Variants in ADAM23 observed in about 807,000 individuals in gnomAD.
ADAM23 encodes disintegrin and metalloproteinase domain-containing protein 23.
Under a neutral mutation model 120.1 loss-of-function variants are expected in ADAM23, and 33 were observed. The ratio of observed to expected loss-of-function variants is 0.27; its 90% CI spans 0.21 to 0.37. The LOEUF is 0.37. Ranked by LOEUF, ADAM23 falls within the 10% of genes least tolerant of loss-of-function variation. The pLI is 1.00. For synonymous variants in ADAM23, 367 were observed against 375.2 expected (o/e 0.98, Z 0.25); for missense variants, 862 against 1,058.2 (o/e 0.81, Z 2.57).
chr2:206,465,813 G>A (rs570231951), intron 2 of ADAM23, among the ~76,000 whole-genome samples: 1 of 152,180 alleles, frequency 6.6e-6, no homozygotes, highest in East Asian at 1.9e-4. Context: ...GTAGCAGCTC[G>A]GAGAACAGAT....
chr2:206,483,705 A>G (rs1695944484), intron 3 of ADAM23, among the ~76,000 whole-genome samples: 1 of 152,166 alleles, frequency 6.6e-6, no homozygotes, highest in Non-Finnish European at 1.5e-5. Flanking sequence ...ATGCTGTGGA[A>G]TAATCTAATG....
rs888903843 is a variant in ADAM23 at position 206,548,339 on chromosome 2, G to A, written c.852G>A (p.Arg284=). The A allele has an allele frequency of 5.0e-6, 8 of 1,609,814 alleles. No individual in the cohort carries two copies. The highest frequency in any genetic ancestry group is 5.9e-6 in the Non-Finnish European group (7 of 1,179,932). ...CTGAATTACAGTGGTTGAAAAGAAG[G>A]AAGAGAGCAGTGAATGTGAGTGTGG... ...FLSELQWLKR[R]KRAVNPSRGI... The change falls in exon 8 of 26, where the codon AGG becomes AGA. Residue 284 remains arginine (R), a synonymous_variant. Transcript: ENST00000264377.
In ADAM23 at chr2:206,607,132, C is replaced by G. The variant is rs368714158; in HGVS notation, c.2360-2778C>G. On this transcript the variant is annotated intron_variant, in intron 24 of 25. Coordinates refer to ENST00000264377, the MANE Select transcript of ADAM23 (RefSeq NM_003812.4). Reference sequence around the variant, plus strand: ...TTCTCCTGGATTCAAGGACTTTGACCAGACTTAGATCTTCCAACTCACATC... The same window carrying G: ...TTCTCCTGGATTCAAGGACTTTGACGAGACTTAGATCTTCCAACTCACATC... The G allele has an allele frequency of 2.6e-5, 4 of 152,294 alleles. No homozygotes were observed. In the South Asian group the frequency reaches 8.3e-4, roughly 32 times the overall value. The allele number at this position is 152,294 out of a possible 1,614,324, so 9.4% of individuals were successfully genotyped here.
intron 3 of ADAM23, among the ~76,000 whole-genome samples, chr2:206,497,992 A>G (rs1285826943): frequency 6.6e-6 from 1 of 152,178 alleles, no homozygotes; most frequent in African/African-American, 2.4e-5. Context: ...TGCTCAATGA[A>G]ATAAAAGGGG....
chr2:206,508,330 A>G lies in ADAM23; in HGVS notation c.510-22555A>G, dbSNP rs142502986. Among the ~76,000 whole-genome samples, 104 of 152,204 alleles carry G rather than the reference A, an allele frequency of 6.8e-4. 1 individual carries two copies. The highest frequency in any genetic ancestry group is 2.3e-3 in the African/African-American group (94 of 41,544). Reference sequence around the variant, plus strand: ...CGTGAGCCACTGTGTCCGGCCGCCTAGTTTACTTTTTATCACTTTACTAAC... The same window carrying G: ...CGTGAGCCACTGTGTCCGGCCGCCTGGTTTACTTTTTATCACTTTACTAAC... On this transcript the variant is annotated intron_variant, in intron 3 of 25. Coordinates refer to ENST00000264377, the MANE Select transcript of ADAM23 (RefSeq NM_003812.4).
chr2:206,534,814 T>C (rs1234201081), intron 4 of ADAM23, among the ~76,000 whole-genome samples: 1 of 152,138 alleles, frequency 6.6e-6, no homozygotes, highest in African/African-American at 2.4e-5. Context: ...TTACTATCAT[T>C]ATTAGGTGGG....
chr2:206,588,756 C>T (rs1004880082), intron 20 of ADAM23, among the ~76,000 whole-genome samples: 5 of 152,118 alleles, frequency 3.3e-5, no homozygotes, highest in Non-Finnish European at 5.9e-5. Flanking sequence ...ATGAGAAATG[C>T]GTCTGCCTTT....
chr2:206,476,344 C>T (rs1235070313), intron 2 of ADAM23, among the ~76,000 whole-genome samples: 1 of 152,154 alleles, frequency 6.6e-6, no homozygotes, highest in Admixed American at 6.6e-5. Context: ...TCTCACACCA[C>T]CTATAGTTTA....
intron 24 of ADAM23, 127 bp downstream of exon 24, chr2:206,596,289 A>G (rs1698524068): frequency 6.2e-6 from 4 of 649,890 alleles, no homozygotes; most frequent in East Asian, 5.7e-5. Flanking sequence ...CCTTTAAAGT[A>G]TATAATTTAT....
At chr2:206,536,623 T>C (rs1227535860) in intron 4 of ADAM23, among the ~76,000 whole-genome samples, 1 of 152,158 alleles carries the variant, frequency 6.6e-6, no homozygotes, top group Non-Finnish European at 1.5e-5. Context: ...AACTGTGAGG[T>C]AGAAATAAGA....
chr2:206,502,293 A>G (rs1051889669), intron 3 of ADAM23, among the ~76,000 whole-genome samples: 3 of 152,154 alleles, frequency 2.0e-5, no homozygotes, highest in African/African-American at 7.2e-5. Flanking sequence ...AAAACATTTT[A>G]TAAATAACTG....
intron 4 of ADAM23, among the ~76,000 whole-genome samples, chr2:206,533,474 A>C (rs1035711466): frequency 6.6e-6 from 1 of 152,204 alleles, no homozygotes; most frequent in Non-Finnish European, 1.5e-5. Flanking sequence ...AAGTGCTGGG[A>C]TTATAGGCGT....
intron 24 of ADAM23, among the ~76,000 whole-genome samples, chr2:206,602,361 TG>T (rs1053616521): frequency 1.2e-4 from 19 of 152,202 alleles, no homozygotes; most frequent in African/African-American, 4.6e-4. Flanking sequence ...AAAATGAACT[TG>T]TTTTTTTCTT....
At position 206,463,325 on chromosome 2, in the gene ADAM23, G is replaced by C. The variant is rs528763733; in HGVS notation, c.432+17801G>C. 4.9e-3 allele frequency among the ~76,000 whole-genome samples: 750 copies of C among 152,298 alleles called. 2 individuals carry two copies. Among genetic ancestry groups the C allele is most frequent in the Middle Eastern group, 0.014 (4 of 294 alleles). On this transcript the variant is annotated intron_variant, in intron 2 of 25. Coordinates refer to ENST00000264377, the MANE Select transcript of ADAM23 (RefSeq NM_003812.4). The stretch of plus-strand genomic sequence containing the variant: ...TGTTGGAAACAGAGGTTTGAGTGAT[G>C]CGAGGAGGGGCCCACAAGCCAAGGA...
chr2:206,460,554 C>T (rs748234428), intron 2 of ADAM23, among the ~76,000 whole-genome samples: 3 of 152,006 alleles, frequency 2.0e-5, no homozygotes, highest in South Asian at 2.1e-4. Context: ...TTCAATTCTT[C>T]GCTCATTTTC....
chr2:206,527,504 C>T (rs577106108), intron 3 of ADAM23, among the ~76,000 whole-genome samples: 1 of 152,354 alleles, frequency 6.6e-6, no homozygotes, highest in East Asian at 1.9e-4. Context: ...AATTAGGTTA[C>T]ATTTCAGTTG....
At chr2:206,446,892 A>G (rs1695092442) in intron 2 of ADAM23, among the ~76,000 whole-genome samples, 1 of 152,200 alleles carries the variant, frequency 6.6e-6, no homozygotes, top group Non-Finnish European at 1.5e-5. Flanking sequence ...AAGAAGAGAA[A>G]TCCAAGGCCC....
chr2:206,490,496 G>T (rs978588519), intron 3 of ADAM23, among the ~76,000 whole-genome samples: 2 of 152,214 alleles, frequency 1.3e-5, no homozygotes, highest in Non-Finnish European at 2.9e-5. Flanking sequence ...ACTTTAGGAT[G>T]ATTGGAACTG....
chr2:206,549,638 CTG>C (rs1697472057), intron 8 of ADAM23, among the ~76,000 whole-genome samples: 2 of 151,834 alleles, frequency 1.3e-5, no homozygotes, highest in African/African-American at 4.8e-5. Flanking sequence ...ACATTGATAT[CTG>C]TATCAGATAT....
Sources: gnomAD v4.1 joint callset for allele counts (sites outside exome capture counted in the v4.1 genomes callset) on GRCh38, gnomAD v4.1.1 for gene constraint, MANE v1.5 for transcripts, NCBI Gene and HGNC (gene_info 2026-07-23, HGNC 2026-07-21) for gene names.